The following MYH9 variants were observed in gnomAD, a reference collection of about 807,000 sequenced individuals.
MYH9 encodes myosin heavy chain 9.
A neutral mutation model predicts 241.9 loss-of-function variants in MYH9; 29 were observed. The ratio of observed to expected loss-of-function variants is 0.12; its 90% CI spans 0.09 to 0.16. MYH9 has a LOEUF of 0.16. Ranked by LOEUF, MYH9 falls within the 10% of genes least tolerant of loss-of-function variation. The pLI, the probability that MYH9 is intolerant of heterozygous loss-of-function variation, is 1.00. For missense variants in MYH9, 1,803 were observed against 2,595.5 expected (o/e 0.69, Z 6.63); for synonymous variants, 1,047 against 1,062.6 (o/e 0.99, Z 0.29).
At chr22:36,363,974 A>G (rs1162672896) in intron 1 of MYH9, among the ~76,000 whole-genome samples, 1 of 152,182 alleles carries the variant, frequency 6.6e-6, no homozygotes, top group Non-Finnish European at 1.5e-5. Context: ...TTCTTTCCTC[A>G]AGCATGTGAG....
chr22:36,342,791 C>T (rs1316110573), intron 2 of MYH9, among the ~76,000 whole-genome samples: 1 of 152,178 alleles, frequency 6.6e-6, no homozygotes, highest in Admixed American at 6.5e-5. Flanking sequence ...GAAGTGAAGC[C>T]GGGGCTCCAC....
At chr22:36,335,076 G>A (rs545883630) in intron 3 of MYH9, among the ~76,000 whole-genome samples, 8 of 152,074 alleles carry the variant, frequency 5.3e-5, no homozygotes, top group Non-Finnish European at 1.0e-4. Flanking sequence ...TCAAAGGCCC[G>A]TACCCACCCC....
chr22:36,342,356 C>T (rs758410846), intron 2 of MYH9, among the ~76,000 whole-genome samples: 1 of 152,138 alleles, frequency 6.6e-6, no homozygotes, highest in Non-Finnish European at 1.5e-5. Flanking sequence ...CGGGGACAGG[C>T]AGAGCTCTAG....
At chr22:36,341,342 C>G in intron 3 of MYH9, 28 bp downstream of exon 3, 1 of 1,612,650 alleles carries the variant, frequency 6.2e-7, no homozygotes, top group Non-Finnish European at 8.5e-7. Flanking sequence ...AGATTCAGCC[C>G]CAGGTGGGCA....
chr22:36,308,687 G>A, intron 15 of MYH9: 2 of 407,498 alleles, frequency 4.9e-6, no homozygotes, highest in Non-Finnish European at 6.5e-6. Context: ...GGGAACGGGG[G>A]TGTAAGCAGG....
rs138529607 is a variant in MYH9 at position 36,367,219 on chromosome 22, G to A, written c.-19-17964C>T. ...CCTCCGGAGGGTTAAGCAGGATCTC[G>A]CTGAGGAAGCAAAGCTGTGGACAGA... is the stretch of plus-strand genomic sequence containing the variant. On this transcript the variant is annotated intron_variant, in intron 1 of 40. Transcript: ENST00000216181. 4.6e-4 allele frequency among the ~76,000 whole-genome samples: 70 copies of A among 152,254 alleles called. 1 individual carries two copies. The highest frequency in any genetic ancestry group is 8.7e-4 in the Non-Finnish European group (59 of 68,008).
chr22:36,331,635 G>A (rs1244711752), intron 3 of MYH9, among the ~76,000 whole-genome samples: 1 of 152,224 alleles, frequency 6.6e-6, no homozygotes, highest in Non-Finnish European at 1.5e-5. Context: ...GGCTCGCAGA[G>A]CGGTGACATC....
At chr22:36,377,296 A>G (rs2018184259) in intron 1 of MYH9, among the ~76,000 whole-genome samples, 1 of 152,302 alleles carries the variant, frequency 6.6e-6, no homozygotes, top group South Asian at 2.1e-4. Flanking sequence ...TCTTATGTTT[A>G]TCTGACAGGA....
At chr22:36,303,671 C>T (rs1411885755) in intron 19 of MYH9, among the ~76,000 whole-genome samples, 2 of 151,038 alleles carry the variant, frequency 1.3e-5, no homozygotes, top group Non-Finnish European at 1.5e-5. Context: ...GTAACCTCAG[C>T]TACTAAGTGA....
Position 36,282,464 on chromosome 22 carries a change from G to A in MYH9, c.*204C>T, listed in dbSNP as rs2016506884. ...TGGTATCAGATTCTGAGCAGGGGAGGGAGCTGGAAGGGGATGCAGCAGAGG... is the reference window on the plus strand; with the variant it reads ...TGGTATCAGATTCTGAGCAGGGGAGAGAGCTGGAAGGGGATGCAGCAGAGG... On this transcript the variant is annotated 3_prime_UTR_variant, in exon 41 of 41. Transcript: ENST00000216181. 3 of 704,488 alleles carry A rather than the reference G, an allele frequency of 4.3e-6. No homozygotes were observed. Among genetic ancestry groups the A allele is most frequent in the African/African-American group, 1.7e-5 (1 of 58,224 alleles). The allele number at this position is 704,488 out of a possible 1,614,324, so 43.6% of individuals were successfully genotyped here. A position where few individuals can be genotyped will look rare whatever the true frequency, so the allele number is the denominator to read the frequency against.
At chr22:36,375,450 A>G (rs1371606560) in intron 1 of MYH9, among the ~76,000 whole-genome samples, 2 of 152,164 alleles carry the variant, frequency 1.3e-5, no homozygotes, top group Non-Finnish European at 2.9e-5. Context: ...GCTGTACGGG[A>G]GATCCCATTC....
chr22:36,362,962 A>T (rs1021142130), intron 1 of MYH9, among the ~76,000 whole-genome samples: 3 of 151,820 alleles, frequency 2.0e-5, no homozygotes, highest in Non-Finnish European at 2.9e-5. Context: ...CCATCTTTCC[A>T]GCCACACCTC....
At chr22:36,310,644 C>T (rs952708710) in intron 14 of MYH9, among the ~76,000 whole-genome samples, 1 of 152,236 alleles carries the variant, frequency 6.6e-6, no homozygotes, top group African/African-American at 2.4e-5. Flanking sequence ...ATGCCAGTTT[C>T]CTTTCCCCAG....
rs1210950833 is a variant in MYH9 at position 36,306,343 on chromosome 22, G to A, written c.2037+71C>T. ...GGGGGCTGGAGGGGTGCTTTTGCTG[G>A]GGAGACAGACAAGGGCTGAGCACCC... is the stretch of plus-strand genomic sequence containing the variant. On this transcript the variant is annotated intron_variant, in intron 16 of 40. Coordinates refer to ENST00000216181, the MANE Select transcript of MYH9 (RefSeq NM_002473.6). The surrounding 1 kb of genome is among the most constrained non-coding windows in gnomAD (Gnocchi z 4.1). The A allele has an allele frequency of 1.3e-5, 21 of 1,583,172 alleles. No individual in the cohort carries two copies. The highest frequency in any genetic ancestry group is 1.0e-4 in the South Asian group (9 of 89,468).
chr22:36,376,118 C>A (rs1016514866), intron 1 of MYH9, among the ~76,000 whole-genome samples: 1 of 151,878 alleles, frequency 6.6e-6, no homozygotes, highest in South Asian at 2.1e-4. Context: ...TGCACCACCA[C>A]ACCCGGCTAA....
chr22:36,318,376 AAGAG>A (rs1311769760), intron 10 of MYH9, 51 bp from the exon 11 acceptor site: 1 of 1,406,116 alleles, frequency 7.1e-7, no homozygotes, highest in Non-Finnish European at 1.0e-6. Flanking sequence ...AATTAGACCC[AAGAG>A]AGAAAGTTCT....
chr22:36,304,299 C>T, intron 18 of MYH9, 144 bp from the exon 19 acceptor site: 1 of 830,940 alleles, frequency 1.2e-6, no homozygotes, highest in Non-Finnish European at 2.0e-6. Context: ...GCCATCTCCT[C>T]TCCCTCCTTC....
chr22:36,299,440 T>C (rs2016839756), intron 23 of MYH9, among the ~76,000 whole-genome samples: 1 of 152,044 alleles, frequency 6.6e-6, no homozygotes, highest in Non-Finnish European at 1.5e-5. Flanking sequence ...CCACGGCCCC[T>C]CCCCCTCTTC....
In MYH9 at chr22:36,321,728, G is replaced by T. The variant is rs189826975; in HGVS notation, c.769+30C>A. The T allele has an allele frequency of 7.3e-4, 1,170 of 1,603,834 alleles. 2 individuals are homozygous for T. The highest frequency in any genetic ancestry group is 7.8e-4 in the Non-Finnish European group (918 of 1,170,600). The stretch of plus-strand genomic sequence containing the variant: ...GGTCATGCCTCCCCTCCGGATCCAG[G>T]ACTCTTATCCCAACGAACCACAAGG... On this transcript the variant is annotated intron_variant, in intron 7 of 40. Transcript: ENST00000216181.
Sources: allele counts gnomAD v4.1 joint callset (sites outside exome capture counted in the v4.1 genomes callset), GRCh38; gene constraint gnomAD v4.1.1; non-coding constraint Gnocchi (gnomAD v3.1); transcripts MANE v1.5; gene names NCBI Gene and HGNC (gene_info 2026-07-23, HGNC 2026-07-21).